ANKAR: variants seen among roughly 807,000 people sequenced by gnomAD.
ANKAR encodes the protein ankyrin and armadillo repeat containing.
A neutral mutation model predicts 146.2 loss-of-function variants in ANKAR; 136 were observed. The ratio of observed to expected loss-of-function variants is 0.93; its 90% CI spans 0.81 to 1.07. The LOEUF is 1.07. Among genes scored for constraint, ANKAR ranks in the 50% least tolerant of loss-of-function variants. The pLI is 0.00. For missense variants in ANKAR, 1,567 were observed against 1,679.9 expected (o/e 0.93, Z 1.18); for synonymous variants, 500 against 575.8 (o/e 0.87, Z 1.88).
At chr2:189,708,365 C>T (rs1215003950) in intron 9 of ANKAR, among the ~76,000 whole-genome samples, 2 of 152,208 alleles carry the variant, frequency 1.3e-5, no homozygotes, top group East Asian at 1.9e-4. Context: ...ACTATGCCTA[C>T]AGACTTTATT....
At chr2:189,751,444 G>GTTTTTTTTTTTTTTTTTTTTTTTTTTT (rs779920289), downstream of ANKAR, among the ~76,000 whole-genome samples, 1 of 126,148 alleles carries the variant, frequency 7.9e-6, no homozygotes. Context: ...GACAAGTTGT[G>GTTTTTTTTTTTTTTTTTTTTTTTTTTT]TTTTTTTTTT....
intron 3 of ANKAR, among the ~76,000 whole-genome samples, chr2:189,691,914 A>G (rs2036471571): frequency 2.0e-5 from 3 of 151,918 alleles, no homozygotes; most frequent in Admixed American, 2.0e-4. Context: ...TGCATGTGCC[A>G]CCACATCCAG....
intron 8 of ANKAR, among the ~76,000 whole-genome samples, chr2:189,706,032 G>A (rs186907885): frequency 4.6e-5 from 7 of 151,158 alleles, no homozygotes; most frequent in East Asian, 2.1e-4. Flanking sequence ...CTTAACATGT[G>A]GAAGCCACCA....
chr2:189,752,865 C>A, intron 18 of ANKAR: 4 of 1,613,634 alleles, frequency 2.5e-6, no homozygotes, highest in Non-Finnish European at 3.4e-6. Flanking sequence ...ATCATAATGC[C>A]ATTATCAGTG....
intron 17 of ANKAR, among the ~76,000 whole-genome samples, chr2:189,734,135 C>T (rs934545534): frequency 5.3e-5 from 8 of 152,146 alleles, no homozygotes; most frequent in Admixed American, 2.6e-4. Flanking sequence ...AGGTATATAA[C>T]GTTGATGTAT....
At chr2:189,754,657 C>A in intron 18 of ANKAR, 1 of 292,428 alleles carries the variant, frequency 3.4e-6, no homozygotes, top group Non-Finnish European at 6.2e-6. Context: ...TTGTCCTATA[C>A]TTCCTATTAT....
Position 189,676,823 on chromosome 2 carries a change from T to G in ANKAR, c.333T>G (p.Ile111Met). ...HQMIRELAIG[I>M]YCLNQIPSIS... ...TGATAAGAGAGTTGGCTATTGGAAT[T>G]TATTGCCTAAATCAAATCCCTTCCA... Residue 111 changes from isoleucine (I) to methionine (M), a missense_variant, in exon 2 of 23, where the codon ATT becomes ATG. Physicochemically the swap from Ile to Met is conservative, Grantham distance 10 (BLOSUM62 1). Coordinates refer to ENST00000684021, the MANE Select transcript of ANKAR (RefSeq NM_001378068.1). 1.9e-6 allele frequency: 3 copies of G among 1,614,208 alleles called. No individual in the cohort carries two copies. Among genetic ancestry groups the G allele is most frequent in the Non-Finnish European group, 2.5e-6 (3 of 1,180,042 alleles).
chr2:189,684,812 T>A (rs1574364133), intron 2 of ANKAR, among the ~76,000 whole-genome samples: 1 of 126,836 alleles, frequency 7.9e-6, no homozygotes, highest in Admixed American at 9.0e-5. Flanking sequence ...CCAGCCTGGG[T>A]GACAGAGACC....
intron 10 of ANKAR, among the ~76,000 whole-genome samples, chr2:189,715,672 C>A (rs576833875): frequency 3.9e-5 from 6 of 152,116 alleles, no homozygotes; most frequent in African/African-American, 1.4e-4. Flanking sequence ...TGATGAACAT[C>A]GATGCAAAAA....
At chr2:189,750,604 CT>C, downstream of ANKAR, 2 of 1,591,226 alleles carry the variant, frequency 1.3e-6, no homozygotes, top group Non-Finnish European at 1.7e-6. Context: ...AATTGTGGTA[CT>C]TTTATGGAAG....
intron 10 of ANKAR, among the ~76,000 whole-genome samples, chr2:189,714,055 GAACT>G (rs1559104642): frequency 2.0e-5 from 3 of 152,086 alleles, no homozygotes. Flanking sequence ...GCAACAAGAA[GAACT>G]AACTATCCTA....
At chr2:189,691,280 T>C (rs1416508311) in intron 3 of ANKAR, among the ~76,000 whole-genome samples, 3 of 152,218 alleles carry the variant, frequency 2.0e-5, no homozygotes, top group Non-Finnish European at 4.4e-5. Flanking sequence ...GGTCTCGGAC[T>C]CCTGACCTCA....
chr2:189,709,154 C>A (rs2039361193), intron 9 of ANKAR, among the ~76,000 whole-genome samples: 1 of 151,838 alleles, frequency 6.6e-6, no homozygotes, highest in Non-Finnish European at 1.5e-5. Context: ...AAAAAAGAGA[C>A]ACGACCATAG....
intron 8 of ANKAR, among the ~76,000 whole-genome samples, chr2:189,706,513 C>T (rs546337266): frequency 1.3e-4 from 20 of 152,168 alleles, no homozygotes; most frequent in Non-Finnish European, 2.6e-4. Flanking sequence ...CTGTTAGTTT[C>T]TGCCACAATG....
At chr2:189,716,215 T>C (rs2040441665) in intron 10 of ANKAR, among the ~76,000 whole-genome samples, 1 of 152,202 alleles carries the variant, frequency 6.6e-6, no homozygotes, top group Non-Finnish European at 1.5e-5. Context: ...AAAATCTCCT[T>C]AAGCTGATAA....
intron 10 of ANKAR, among the ~76,000 whole-genome samples, chr2:189,716,304 CAGAG>C (rs1253195302): frequency 5.9e-5 from 9 of 152,140 alleles, no homozygotes; most frequent in Non-Finnish European, 1.0e-4. Context: ...AATAGACAAA[CAGAG>C]AGCCAAATCA....
In ANKAR at chr2:189,688,448, G is replaced by A. The variant is rs756688329; in HGVS notation, c.602-1079G>A. 6.6e-5 allele frequency among the ~76,000 whole-genome samples: 10 copies of A among 152,068 alleles called. No individual in the cohort carries two copies. In the East Asian group the frequency reaches 1.4e-3, roughly 21 times the overall value. On this transcript the variant is annotated intron_variant, in intron 2 of 22. Transcript: ENST00000684021. ...GATGACTGGCTATTCTGGATCTTTC[G>A]TGGTTTCATATATATATTTAGGATT...
chr2:189,722,798 C>T (rs1437839594), intron 12 of ANKAR, among the ~76,000 whole-genome samples: 2 of 151,454 alleles, frequency 1.3e-5, no homozygotes, highest in Non-Finnish European at 2.9e-5. Flanking sequence ...AGGATAATCG[C>T]TTGAAGCTGG....
chr2:189,708,315 T>C (rs2039240024), intron 9 of ANKAR, among the ~76,000 whole-genome samples: 1 of 152,224 alleles, frequency 6.6e-6, no homozygotes, highest in African/African-American at 2.4e-5. Context: ...TCTATTATTA[T>C]ATATTGTTGT....
Sources: allele counts gnomAD v4.1 joint callset (sites outside exome capture counted in the v4.1 genomes callset), GRCh38; gene constraint gnomAD v4.1.1; transcripts MANE v1.5; gene names NCBI Gene and HGNC (gene_info 2026-07-23, HGNC 2026-07-21).